Variants in BRAP observed in about 807,000 individuals in gnomAD.
The protein encoded by BRAP is BRCA1-associated protein.
In BRAP, 42 loss-of-function variants were observed where a neutral mutation model predicts 73.4. The ratio of observed to expected loss-of-function variants is 0.57; its 90% CI spans 0.45 to 0.74. The LOEUF (loss-of-function observed/expected upper bound fraction) is 0.74, where lower values mean the gene tolerates loss of function less well. Ranked by LOEUF, BRAP falls within the 30% of genes least tolerant of loss-of-function variation. BRAP has a pLI of 0.00. For synonymous variants in BRAP, 255 were observed against 267.4 expected, an observed-to-expected ratio of 0.95 and a Z score of 0.45; for missense variants, 593 against 751.4, an observed-to-expected ratio of 0.79 and a Z score of 2.46.
At chr12:111,675,357 T>G (rs747201767) in intron 4 of BRAP, among the ~76,000 whole-genome samples, 2 of 151,782 alleles carry the variant, frequency 1.3e-5, no homozygotes, top group African/African-American at 2.4e-5. Flanking sequence ...ATGAAAAAAG[T>G]AAAAAGAAAA....
At chr12:111,667,630 T>G (rs373917122) in intron 5 of BRAP, among the ~76,000 whole-genome samples, 1 of 132,518 alleles carries the variant, frequency 7.5e-6, no homozygotes, top group Admixed American at 9.4e-5. Context: ...ACCCAGGAGG[T>G]AGAGGATGCA....
chr12:111,644,320 G>C lies in BRAP; in HGVS notation c.1658C>G (p.Thr553Ser), dbSNP rs1886015218. 1 of 1,614,112 alleles carries C rather than the reference G, an allele frequency of 6.2e-7. No homozygotes were observed. Among genetic ancestry groups the C allele is most frequent in the Non-Finnish European group, 8.5e-7 (1 of 1,180,032 alleles). Residue 553 changes from threonine (T) to serine (S), a missense_variant, in exon 12 of 12, where the codon ACC (threonine) becomes AGC (serine). This residue lies in a region of BRAP where 79 missense variants were observed against 65.3 expected (regional missense o/e 1.21). Transcript: ENST00000419234. ...QQKINHLPAE[T>S]RQEIQEGQIN... is the part of the protein sequence containing the mutation. ...CTGTCCCTCCTGGATTTCCTGCCGG[G>C]TCTCGGCAGGCAGATGGTTGATCTT...
At chr12:111,679,093 G>T in intron 4 of BRAP, 58 bp downstream of exon 4, 3 of 1,288,484 alleles carry the variant, frequency 2.3e-6, no homozygotes, top group Non-Finnish European at 3.1e-6. Flanking sequence ...CTATCATACA[G>T]TTTGAATACC....
intron 9 of BRAP, among the ~76,000 whole-genome samples, chr12:111,657,339 C>G (rs113860507): frequency 1.3e-5 from 2 of 152,138 alleles, no homozygotes; most frequent in African/African-American, 4.8e-5. Flanking sequence ...CCACTGTGCC[C>G]GGCCAGTATT....
intron 11 of BRAP, among the ~76,000 whole-genome samples, chr12:111,646,767 C>T (rs903680452): frequency 6.6e-6 from 1 of 152,126 alleles, no homozygotes; most frequent in Non-Finnish European, 1.5e-5. Flanking sequence ...AGCAAGATTC[C>T]GTCTCAAAAA....
chr12:111,667,385 T>G (rs1592985201), intron 5 of BRAP, among the ~76,000 whole-genome samples: 1 of 152,154 alleles, frequency 6.6e-6, no homozygotes, highest in Non-Finnish European at 1.5e-5. Flanking sequence ...ACTATGCTTT[T>G]AAAGATGTGT....
rs1360411784 is a variant in BRAP at position 111,644,574 on chromosome 12, C to T, written c.1416-12G>A. On this transcript the variant is annotated splice_polypyrimidine_tract_variant and intron_variant, in intron 11 of 11. Transcript: ENST00000419234. ...TTAGCTGAGTGCACCTTTTGAAAAA[C>T]AAAGGAAGACAAAAGCACATTTTTC... The T allele has an allele frequency of 1.2e-6, 2 of 1,607,606 alleles. No individual in the cohort carries two copies. The highest frequency in any genetic ancestry group is 2.2e-5 in the East Asian group (1 of 44,760).
intron 1 of BRAP, among the ~76,000 whole-genome samples, chr12:111,684,254 G>C (rs1383305589): frequency 6.6e-6 from 1 of 152,168 alleles, no homozygotes; most frequent in Non-Finnish European, 1.5e-5. Context: ...AATGTTTGAT[G>C]AATAAATGAC....
chr12:111,683,603 T>G (rs1887686814), intron 1 of BRAP, among the ~76,000 whole-genome samples: 1 of 152,128 alleles, frequency 6.6e-6, no homozygotes, highest in South Asian at 2.1e-4. Context: ...TGCAGTGGTG[T>G]GATCTTGGCT....
At chr12:111,662,326 G>A (rs987602527) in intron 6 of BRAP, among the ~76,000 whole-genome samples, 4 of 152,024 alleles carry the variant, frequency 2.6e-5, no homozygotes, top group Admixed American at 6.6e-5. Context: ...CTAGGCGGGC[G>A]GATTACCTAA....
intron 10 of BRAP, 88 bp downstream of exon 10, chr12:111,655,476 CCT>C: frequency 1.9e-6 from 2 of 1,034,970 alleles, no homozygotes; most frequent in Non-Finnish European, 2.9e-6. Context: ...TGGTAAGATT[CCT>C]CTTTCCCTGT....
intron 5 of BRAP, among the ~76,000 whole-genome samples, chr12:111,670,966 G>A (rs1887146459): frequency 6.6e-6 from 1 of 152,086 alleles, no homozygotes; most frequent in Non-Finnish European, 1.5e-5. Flanking sequence ...CGGGAGTGAT[G>A]GCGCATGCCT....
At chr12:111,676,589 T>A (rs1384590774) in intron 4 of BRAP, among the ~76,000 whole-genome samples, 1 of 152,168 alleles carries the variant, frequency 6.6e-6, no homozygotes, top group Non-Finnish European at 1.5e-5. Context: ...AAGTTTTATA[T>A]TTTTAGTAGA....
rs1886499560 is a variant in BRAP, at chr12:111,655,609, C to T, written c.1268G>A (p.Trp423Ter). 2.5e-6 allele frequency: 4 copies of T among 1,613,742 alleles called. No individual in the cohort carries two copies. Among genetic ancestry groups the T allele is most frequent in the East Asian group, 2.2e-5 (1 of 44,892 alleles). Residue 423 changes from tryptophan to a stop codon, truncating the protein, a stop_gained, in exon 10 of 12, where the codon TGG becomes TAG. Coordinates refer to ENST00000419234, the MANE Select transcript of BRAP (RefSeq NM_006768.5). LOFTEE classifies it high-confidence loss of function. ...TSQLESQRIY[W>*]ENKIVRIEKD... ...CTCTATCCGAACTATCTTGTTTTCC[C>T]AGTAGATTCGCTGAGATTCCAGCTG...
chr12:111,665,073 T>C lies in BRAP; in HGVS notation c.896+566A>G, dbSNP rs1886889559. Among the ~76,000 whole-genome samples the C allele has an allele frequency of 6.6e-6, 1 of 152,168 alleles. No individual in the cohort carries two copies. Among genetic ancestry groups the C allele is most frequent in the African/African-American group, 2.4e-5 (1 of 41,440 alleles). ...GTGCAGTCTGCAAAGGGAGCAACCA[T>C]CCTGGATTTAGGGGGTAAAAAAAAG... On this transcript the variant is annotated intron_variant, in intron 6 of 11. Coordinates refer to ENST00000419234, the MANE Select transcript of BRAP (RefSeq NM_006768.5). This position sits in a 1 kb window ranked among gnomAD's most constrained non-coding sequence, Gnocchi z 4.3.
Position 111,665,733 on chromosome 12 carries a change from GAC to G in BRAP, c.800_801del (p.Cys267SerfsTer17). ...DLTELPKCTVCLERMDESVNG... is the reference protein window; with the variant it reads ...DLTELPKCTVXLERMDESVNG... ...TTCACAGACTCGTCCATGCGCTCCAGACACACCGTGCACTTGGGGAGTTCAGT... is the reference window on the plus strand; with the variant it reads ...TTCACAGACTCGTCCATGCGCTCCAGACACCGTGCACTTGGGGAGTTCAGT... On this transcript the variant is annotated frameshift_variant, in exon 6 of 12. Transcript: ENST00000419234. LOFTEE classifies it high-confidence loss of function. The surrounding 1 kb of genome is among the most constrained non-coding windows in gnomAD (Gnocchi z 4.3). The G allele has an allele frequency of 6.2e-7, 1 of 1,614,262 alleles. No homozygotes were observed. The highest frequency in any genetic ancestry group is 2.2e-5 in the East Asian group (1 of 44,892).
chr12:111,652,562 C>T (rs372922159), intron 10 of BRAP, among the ~76,000 whole-genome samples: 1 of 152,130 alleles, frequency 6.6e-6, no homozygotes, highest in Non-Finnish European at 1.5e-5. Context: ...ATGTTAACAA[C>T]GATTTAAATT....
chr12:111,685,866 C>A lies in BRAP; in HGVS notation c.-74G>T, dbSNP rs922507214. 5 of 1,172,304 alleles carry A rather than the reference C, an allele frequency of 4.3e-6. No homozygotes were observed. The highest frequency in any genetic ancestry group is 8.3e-5 in the Admixed American group (2 of 23,954). The allele number at this position is 1,172,304 out of a possible 1,614,324, so 72.6% of individuals were successfully genotyped here. ...GAAGGCGAGCCGAGAGGCCGAGCGG[C>A]CCGGGGCCGGCAGCGCCGCCACCAC... On this transcript the variant is annotated 5_prime_UTR_variant, in exon 1 of 12. Coordinates refer to ENST00000419234, the MANE Select transcript of BRAP (RefSeq NM_006768.5).
Position 111,649,931 on chromosome 12 carries a change from A to C in BRAP, c.1415+8T>G. On this transcript the variant is annotated splice_region_variant and intron_variant, in intron 11 of 11. Coordinates refer to ENST00000419234, the MANE Select transcript of BRAP (RefSeq NM_006768.5). ...CCTGTTACAACAGAATAGACCGATTATACCTACTTTCTTTCCACAGACTGC... is the reference window on the plus strand; with the variant it reads ...CCTGTTACAACAGAATAGACCGATTCTACCTACTTTCTTTCCACAGACTGC... 6.4e-7 allele frequency: 1 copy of C among 1,568,954 alleles called. No individual in the cohort carries two copies. The highest frequency in any genetic ancestry group is 8.8e-7 in the Non-Finnish European group (1 of 1,140,252).
Sources: allele counts gnomAD v4.1 joint callset (sites outside exome capture counted in the v4.1 genomes callset), GRCh38; gene constraint gnomAD v4.1.1; regional missense constraint gnomAD v4.1.1; non-coding constraint Gnocchi (gnomAD v3.1); transcripts MANE v1.5; gene names NCBI Gene and HGNC (gene_info 2026-07-23, HGNC 2026-07-21).